The following DPP10 variants were observed in gnomAD, a reference collection of about 807,000 sequenced individuals.
DPP10 encodes inactive dipeptidyl peptidase 10.
In DPP10, 33 loss-of-function variants were observed where a neutral mutation model predicts 120.9. The ratio of observed to expected loss-of-function variants is 0.27; its 90% confidence interval spans 0.21 to 0.37. The LOEUF (loss-of-function observed/expected upper bound fraction) is 0.37. Ranked by LOEUF, DPP10 falls within the 10% of genes least tolerant of loss-of-function variation. The pLI is 1.00. For synonymous variants in DPP10, 337 were observed against 326.1 expected, an observed-to-expected ratio of 1.03 and a Z score of -0.36; for missense variants, 816 against 942.8, an observed-to-expected ratio of 0.87 and a Z score of 1.76.
At chr2:114,798,902 G>A (rs1162230364) in intron 1 of DPP10, among the ~76,000 whole-genome samples, 1 of 152,148 alleles carries the variant, frequency 6.6e-6, no homozygotes, top group Admixed American at 6.5e-5. Flanking sequence ...GCCGAGGAGG[G>A]TGGATCACCT....
intron 19 of DPP10, among the ~76,000 whole-genome samples, chr2:115,798,264 G>A (rs1287394315): frequency 6.6e-6 from 1 of 151,836 alleles, no homozygotes; most frequent in African/African-American, 2.4e-5. Context: ...ATTGAAATCA[G>A]TCTCTTTTTC....
intron 4 of DPP10, among the ~76,000 whole-genome samples, chr2:115,522,991 G>A (rs567265799): frequency 6.6e-6 from 1 of 152,214 alleles, no homozygotes; most frequent in South Asian, 2.1e-4. Context: ...TACACTAAGA[G>A]GGATTGACCT....
At chr2:115,164,800 A>C (rs77212001) in intron 1 of DPP10, among the ~76,000 whole-genome samples, 5,909 of 152,310 alleles carry the variant, frequency 0.039, 360 homozygotes, top group African/African-American at 0.13. Context: ...CCTCTGGCAC[A>C]GGGTGCCATG....
chr2:114,622,767 G>A (rs975037302), intron 1 of DPP10, among the ~76,000 whole-genome samples: 2 of 152,054 alleles, frequency 1.3e-5, no homozygotes, highest in Non-Finnish European at 2.9e-5. Flanking sequence ...CCTTGCTACC[G>A]AAAAATGAGA....
intron 1 of DPP10, among the ~76,000 whole-genome samples, chr2:115,009,475 G>A (rs549185328): frequency 6.6e-6 from 1 of 151,940 alleles, no homozygotes; most frequent in South Asian, 2.1e-4. Flanking sequence ...TATACCTAAT[G>A]CTAGATGACG....
At chr2:114,715,417 A>G (rs763722223) in intron 1 of DPP10, among the ~76,000 whole-genome samples, 1 of 152,160 alleles carries the variant, frequency 6.6e-6, no homozygotes, top group Non-Finnish European at 1.5e-5. Flanking sequence ...AAATGAAAAA[A>G]AATCAATATT....
intron 3 of DPP10, among the ~76,000 whole-genome samples, chr2:115,384,911 A>T (rs1477519442): frequency 2.6e-5 from 4 of 152,182 alleles, no homozygotes; most frequent in African/African-American, 7.2e-5. Context: ...AGATAATTTG[A>T]ATCCTGGTGG....
chr2:115,162,032 A>C, intron 1 of DPP10: 1 of 1,411,174 alleles, frequency 7.1e-7, no homozygotes, highest in Non-Finnish European at 9.2e-7. Flanking sequence ...GGACCAGGTG[A>C]GAGTCGGCAG....
At chr2:115,488,278 G>A (rs2075879754) in intron 3 of DPP10, among the ~76,000 whole-genome samples, 1 of 31,708 alleles carries the variant, frequency 3.2e-5, no homozygotes, top group African/African-American at 8.5e-5. Flanking sequence ...TTACACTGTT[G>A]GTGGGACTGT....
chr2:115,495,563 T>C (rs2076352916), intron 3 of DPP10, among the ~76,000 whole-genome samples: 1 of 152,088 alleles, frequency 6.6e-6, no homozygotes, highest in African/African-American at 2.4e-5. Flanking sequence ...TGGAAAATGC[T>C]TTATTATCTG....
chr2:115,088,750 C>CAAAAAA (rs70941027), intron 1 of DPP10, among the ~76,000 whole-genome samples: 13,438 of 64,686 alleles, frequency 0.21, 2,715 homozygotes, highest in South Asian at 0.34. Context: ...CTGTGCCTGA[C>CAAAAAA]AAAAAAAAAA....
At chr2:114,559,273 C>T (rs867714611) in intron 1 of DPP10, among the ~76,000 whole-genome samples, 5 of 152,084 alleles carry the variant, frequency 3.3e-5, no homozygotes, top group South Asian at 2.1e-4. Context: ...CAAGAGTCCC[C>T]GCATGAGGGA....
intron 1 of DPP10, among the ~76,000 whole-genome samples, chr2:114,522,152 T>A (rs1358042127): frequency 2.6e-5 from 4 of 151,050 alleles, no homozygotes; most frequent in African/African-American, 9.7e-5. Context: ...GCTAATTTTT[T>A]TTTTTGTATT....
At chr2:114,897,272 C>T (rs2106634196) in intron 1 of DPP10, among the ~76,000 whole-genome samples, 1 of 152,174 alleles carries the variant, frequency 6.6e-6, no homozygotes, top group East Asian at 1.9e-4. Flanking sequence ...GGGAGGATTC[C>T]CTCTTTTTCT....
At chr2:114,651,274 A>G (rs11695555) in intron 1 of DPP10, among the ~76,000 whole-genome samples, 28 of 152,304 alleles carry the variant, frequency 1.8e-4, no homozygotes, top group Non-Finnish European at 3.4e-4. Context: ...GGATCTGCCC[A>G]TATGTTCAAG....
At chr2:114,957,207 T>C (rs1302865666) in intron 1 of DPP10, among the ~76,000 whole-genome samples, 1 of 151,890 alleles carries the variant, frequency 6.6e-6, no homozygotes, top group East Asian at 1.9e-4. Flanking sequence ...CCTAAATATT[T>C]AAGGAGCTCA....
intron 5 of DPP10, among the ~76,000 whole-genome samples, chr2:115,536,964 A>G (rs1021104799): frequency 1.1e-4 from 17 of 152,084 alleles, no homozygotes; most frequent in Non-Finnish European, 5.9e-5. Flanking sequence ...GTTTCTCCTC[A>G]TAGGAGTTAT....
intron 1 of DPP10, among the ~76,000 whole-genome samples, chr2:114,919,799 T>C (rs1695067016): frequency 6.6e-6 from 1 of 152,218 alleles, no homozygotes; most frequent in South Asian, 2.1e-4. Context: ...AGTTGCATTC[T>C]GATGATGTTT....
intron 1 of DPP10, among the ~76,000 whole-genome samples, chr2:115,109,796 T>C (rs2049125781): frequency 6.6e-6 from 1 of 152,262 alleles, no homozygotes; most frequent in African/African-American, 2.4e-5. Flanking sequence ...CTGGTATCAA[T>C]TGGATAGAGG....
Sources: allele counts gnomAD v4.1 joint callset (sites outside exome capture counted in the v4.1 genomes callset), GRCh38; gene constraint gnomAD v4.1.1; transcripts MANE v1.5; gene names NCBI Gene and HGNC (gene_info 2026-07-23, HGNC 2026-07-21).